The following RAB38 variants were observed in gnomAD, a reference collection of about 807,000 sequenced individuals.
RAB38 encodes the protein ras-related protein Rab-38.
Under a neutral mutation model 18.4 loss-of-function variants are expected in RAB38, and 15 were observed. That is an observed-to-expected ratio of 0.82 (90% confidence interval 0.55 to 1.26). The LOEUF is 1.26. Among genes scored for constraint, RAB38 ranks in the 50% most tolerant of loss-of-function variants. The probability of loss-of-function intolerance (pLI) is 0.00; values close to 1 mark genes in which losing one functional copy is unlikely to be tolerated. For synonymous variants in RAB38, 101 were observed against 104.4 expected (o/e 0.97, Z 0.20); for missense variants, 294 against 267.4 (o/e 1.10, Z -0.69).
At chr11:88,058,001 A>T in the RAB38 span, among the ~76,000 whole-genome samples, 3 of 152,222 alleles carry the variant, frequency 2.0e-5, no homozygotes, top group Non-Finnish European at 4.4e-5. Context: ...AGTTCCTATA[A>T]ATCTGCAGGT....
At chr11:88,027,211 C>T in the RAB38 span, among the ~76,000 whole-genome samples, 1 of 151,410 alleles carries the variant, frequency 6.6e-6, no homozygotes, top group African/African-American at 2.4e-5. Context: ...TTTTTTTTTG[C>T]ATCCATTAAG....
At chr11:88,116,732 T>C (rs1408511964) in intron 2 of RAB38, among the ~76,000 whole-genome samples, 1 of 152,244 alleles carries the variant, frequency 6.6e-6, no homozygotes, top group Non-Finnish European at 1.5e-5. Flanking sequence ...AACATGTTTA[T>C]ATGACAGGAA....
chr11:87,934,090 G>A, the RAB38 span, among the ~76,000 whole-genome samples: 2 of 152,028 alleles, frequency 1.3e-5, no homozygotes, highest in Non-Finnish European at 2.9e-5. Flanking sequence ...GAATTAATCC[G>A]TGATTGTCCT....
the RAB38 span, among the ~76,000 whole-genome samples, chr11:87,900,156 G>C: frequency 6.6e-6 from 1 of 151,634 alleles, no homozygotes; most frequent in East Asian, 2.0e-4. Context: ...ATACACAAGT[G>C]AGTAAAATAT....
chr11:87,896,879 T>C, the RAB38 span, among the ~76,000 whole-genome samples: 1 of 151,676 alleles, frequency 6.6e-6, no homozygotes, highest in Admixed American at 6.6e-5. Flanking sequence ...AGCTAGTATC[T>C]TCTTCCACTC....
the RAB38 span, among the ~76,000 whole-genome samples, chr11:88,052,942 ATAAAT>A: frequency 2.5e-5 from 3 of 118,124 alleles, no homozygotes; most frequent in African/African-American, 3.4e-5. Flanking sequence ...ATATATATAT[ATAAAT>A]TATATATATG....
chr11:88,123,312 A>C (rs970186290), intron 2 of RAB38, among the ~76,000 whole-genome samples: 1 of 152,014 alleles, frequency 6.6e-6, no homozygotes, highest in Non-Finnish European at 1.5e-5. Flanking sequence ...AACAGTAGGC[A>C]CTCAGAAGAC....
chr11:88,039,493 G>C, the RAB38 span, among the ~76,000 whole-genome samples: 1 of 152,146 alleles, frequency 6.6e-6, no homozygotes, highest in South Asian at 2.1e-4. Flanking sequence ...GTGGTATGAG[G>C]AAAAATGCAG....
At chr11:88,038,332 C>T in the RAB38 span, among the ~76,000 whole-genome samples, 2 of 152,172 alleles carry the variant, frequency 1.3e-5, no homozygotes, top group Non-Finnish European at 2.9e-5. Flanking sequence ...AGCAATGGAG[C>T]AGTTGGTTCC....
chr11:88,174,149 C>T, intron 1 of RAB38: 1 of 931,194 alleles, frequency 1.1e-6, no homozygotes, highest in Non-Finnish European at 1.3e-6. Flanking sequence ...TGCCCAACTC[C>T]TTTCCACTTA....
At chr11:87,901,722 G>T in the RAB38 span, among the ~76,000 whole-genome samples, 1 of 151,566 alleles carries the variant, frequency 6.6e-6, no homozygotes, top group East Asian at 2.0e-4. Context: ...AATCACCGGA[G>T]CTGTGCTTAC....
chr11:87,966,154 G>A, the RAB38 span, among the ~76,000 whole-genome samples: 1 of 152,110 alleles, frequency 6.6e-6, no homozygotes, highest in Non-Finnish European at 1.5e-5. Context: ...CCAAAGATAT[G>A]GGCTGGAGGA....
chr11:88,058,126 G>A, the RAB38 span, among the ~76,000 whole-genome samples: 7 of 152,130 alleles, frequency 4.6e-5, no homozygotes. Context: ...AATTATCTTT[G>A]GTATTAAAAC....
intron 2 of RAB38, among the ~76,000 whole-genome samples, chr11:88,119,117 C>T (rs1942597020): frequency 6.6e-6 from 1 of 152,068 alleles, no homozygotes; most frequent in Non-Finnish European, 1.5e-5. Context: ...CTTCTCAATC[C>T]TGGCTGTATA....
At chr11:88,115,659 T>C (rs1330694558) in intron 2 of RAB38, 4 of 152,204 alleles carry the variant, frequency 2.6e-5, no homozygotes, top group Non-Finnish European at 2.9e-5. Flanking sequence ...TTGCTTATTA[T>C]ATTATTGTTG....
At chr11:88,070,770 C>T in the RAB38 span, among the ~76,000 whole-genome samples, 18 of 152,272 alleles carry the variant, frequency 1.2e-4, no homozygotes, top group East Asian at 2.5e-3. Flanking sequence ...CAACAACAAG[C>T]AGTCCACAAA....
the RAB38 span, among the ~76,000 whole-genome samples, chr11:87,887,855 A>T: frequency 6.6e-6 from 1 of 151,956 alleles, no homozygotes; most frequent in African/African-American, 2.4e-5. Context: ...TAATACAGCA[A>T]AATGTAATAA....
At chr11:87,833,166 C>G in the RAB38 span, among the ~76,000 whole-genome samples, 2 of 152,190 alleles carry the variant, frequency 1.3e-5, no homozygotes, top group Non-Finnish European at 2.9e-5. Context: ...TCTACAACTT[C>G]CATTGTTCTG....
At chr11:88,032,849 C>T in the RAB38 span, among the ~76,000 whole-genome samples, 1 of 152,198 alleles carries the variant, frequency 6.6e-6, no homozygotes, top group African/African-American at 2.4e-5. Context: ...ACTAGAAATA[C>T]CATTTGACCC....
Sources: allele counts gnomAD v4.1 joint callset (sites outside exome capture counted in the v4.1 genomes callset), GRCh38; gene constraint gnomAD v4.1.1; transcripts MANE v1.5; gene names NCBI Gene and HGNC (gene_info 2026-07-23, HGNC 2026-07-21).